The following RANBP2 variants were observed in gnomAD, a reference collection of about 807,000 sequenced individuals.
RANBP2 encodes the protein E3 SUMO-protein ligase RanBP2.
In RANBP2, 57 loss-of-function variants were observed where a neutral mutation model predicts 303.6. That is an observed-to-expected ratio of 0.19 (90% CI 0.15 to 0.23). The LOEUF is 0.23. Among genes scored for constraint, RANBP2 ranks in the 10% least tolerant of loss-of-function variants. RANBP2 has a pLI of 1.00. For missense variants in RANBP2, 3,138 were observed against 3,780.8 expected (o/e 0.83, Z 4.46); for synonymous variants, 1,167 against 1,301.5 (o/e 0.90, Z 2.23).
chr2:108,938,180 A>C, the RANBP2 span, among the ~76,000 whole-genome samples: 1 of 152,212 alleles, frequency 6.6e-6, no homozygotes, highest in African/African-American at 2.4e-5. Flanking sequence ...ATCTGTTCAC[A>C]TCTCATCTTT....
chr2:109,470,060 C>T, the RANBP2 span, among the ~76,000 whole-genome samples: 9 of 152,266 alleles, frequency 5.9e-5, no homozygotes, highest in African/African-American at 1.9e-4. Flanking sequence ...TAGCTGAGCC[C>T]GTTCTGGTGG....
chr2:109,228,295 T>C, the RANBP2 span, among the ~76,000 whole-genome samples: 1 of 152,232 alleles, frequency 6.6e-6, no homozygotes, highest in Admixed American at 6.5e-5. Context: ...GTCTCATTAA[T>C]GAGCAGGTGC....
At chr2:109,690,716 G>A in the RANBP2 span, among the ~76,000 whole-genome samples, 1 of 151,340 alleles carries the variant, frequency 6.6e-6, no homozygotes, top group Non-Finnish European at 1.5e-5. Flanking sequence ...TTCACCATCA[G>A]TAAGCTCCTG....
the RANBP2 span, among the ~76,000 whole-genome samples, chr2:109,101,754 C>G: frequency 6.6e-6 from 1 of 152,206 alleles, no homozygotes; most frequent in African/African-American, 2.4e-5. Flanking sequence ...ACAAGCCCTA[C>G]TGGAGACTGC....
At chr2:109,041,730 A>G in the RANBP2 span, among the ~76,000 whole-genome samples, 1 of 132,714 alleles carries the variant, frequency 7.5e-6, no homozygotes, top group African/African-American at 3.0e-5. Flanking sequence ...TACTAGAGAC[A>G]GGGTTTCACC....
the RANBP2 span, among the ~76,000 whole-genome samples, chr2:109,117,074 G>A: frequency 6.6e-6 from 1 of 152,234 alleles, no homozygotes; most frequent in African/African-American, 2.4e-5. Flanking sequence ...GCTGCTCAGG[G>A]ATCAGGGGTC....
chr2:109,624,192 AG>A, the RANBP2 span, among the ~76,000 whole-genome samples: 1 of 152,218 alleles, frequency 6.6e-6, no homozygotes, highest in African/African-American at 2.4e-5. Flanking sequence ...GTGGTGCTCC[AG>A]GGAGGGGTGG....
chr2:109,428,873 T>A, the RANBP2 span, among the ~76,000 whole-genome samples: 81,022 of 151,456 alleles, frequency 0.53, 23,393 homozygotes, highest in African/African-American at 0.77. Context: ...AGCCAGGAGG[T>A]TGTGAGCCCT....
At chr2:108,896,809 A>G in the RANBP2 span, 1 of 1,232,520 alleles carries the variant, frequency 8.1e-7, no homozygotes, top group Non-Finnish European at 1.1e-6. Context: ...ATATCACAAA[A>G]GCCTTGATTC....
At chr2:109,083,069 A>C in the RANBP2 span, among the ~76,000 whole-genome samples, 1 of 151,940 alleles carries the variant, frequency 6.6e-6, no homozygotes, top group African/African-American at 2.4e-5. Context: ...CACGTGATCC[A>C]CCTGCCTCGG....
At chr2:109,652,479 C>A in the RANBP2 span, among the ~76,000 whole-genome samples, 1 of 152,188 alleles carries the variant, frequency 6.6e-6, no homozygotes, top group Non-Finnish European at 1.5e-5. Flanking sequence ...CCCACCTCGG[C>A]CTCCCAAAGT....
At chr2:108,973,434 A>C in the RANBP2 span, among the ~76,000 whole-genome samples, 1 of 152,204 alleles carries the variant, frequency 6.6e-6, no homozygotes, top group African/African-American at 2.4e-5. Flanking sequence ...GGCTCAGTGC[A>C]GTGCTGGCTG....
At chr2:108,726,286 G>T (rs917488598) in intron 1 of RANBP2, among the ~76,000 whole-genome samples, 2 of 152,154 alleles carry the variant, frequency 1.3e-5, no homozygotes, top group Non-Finnish European at 2.9e-5. Context: ...TCAGTTATCA[G>T]ATCAGTTGTT....
the RANBP2 span, among the ~76,000 whole-genome samples, chr2:109,068,018 A>C: frequency 4.6e-5 from 7 of 152,078 alleles, no homozygotes; most frequent in South Asian, 8.3e-4. Context: ...ATCCCCACAC[A>C]CCTGCCTGCT....
chr2:109,680,169 CTG>C, the RANBP2 span, among the ~76,000 whole-genome samples: 6 of 146,214 alleles, frequency 4.1e-5, no homozygotes, highest in African/African-American at 1.5e-4. Context: ...CATGGTGAAA[CTG>C]TCTCTACTAA....
chr2:109,154,400 C>T, the RANBP2 span, among the ~76,000 whole-genome samples: 1 of 152,178 alleles, frequency 6.6e-6, no homozygotes, highest in Admixed American at 6.5e-5. Context: ...GGCCCCCCAG[C>T]GCTGCTGCCA....
the RANBP2 span, among the ~76,000 whole-genome samples, chr2:109,532,814 T>C: frequency 5.3e-5 from 8 of 152,160 alleles, no homozygotes; most frequent in African/African-American, 1.9e-4. Context: ...TTGCTGTCAT[T>C]CTGCCCCGTG....
chr2:108,824,764 G>GTT, the RANBP2 span, among the ~76,000 whole-genome samples: 9 of 149,064 alleles, frequency 6.0e-5, no homozygotes, highest in African/African-American at 2.2e-4. Context: ...CAGCACAGTA[G>GTT]TTTTTTTTTT....
the RANBP2 span, among the ~76,000 whole-genome samples, chr2:109,216,063 G>T: frequency 6.6e-6 from 1 of 152,178 alleles, no homozygotes. Flanking sequence ...AGACAGCCAA[G>T]CAGTCAGTCT....
Sources: gnomAD v4.1 joint callset for allele counts (sites outside exome capture counted in the v4.1 genomes callset) on GRCh38, gnomAD v4.1.1 for gene constraint, MANE v1.5 for transcripts, NCBI Gene and HGNC (gene_info 2026-07-23, HGNC 2026-07-21) for gene names.